CD247: variants seen among roughly 807,000 people sequenced by gnomAD.
The protein encoded by CD247 is CD247 molecule, also known as T-cell surface glycoprotein CD3 zeta chain.
A neutral mutation model predicts 30.0 loss-of-function variants in CD247; 13 were observed. The observed-to-expected ratio is 0.43, with a 90% CI of 0.28 to 0.69. CD247 has a LOEUF of 0.69. CD247 is among the 30% of genes least tolerant of loss of function. The probability of loss-of-function intolerance (pLI) is 0.16; values close to 1 mark genes in which losing one functional copy is unlikely to be tolerated. For missense variants in CD247, 193 were observed against 212.6 expected (o/e 0.91, Z 0.57); for synonymous variants, 72 against 80.0 (o/e 0.90, Z 0.53).
chr1:167,505,022 T>C (rs530174326), intron 1 of CD247, among the ~76,000 whole-genome samples: 43 of 152,390 alleles, frequency 2.8e-4, no homozygotes, highest in African/African-American at 9.1e-4. Context: ...AGCTTTTCTT[T>C]AAATATTCTA....
Position 167,438,576 on chromosome 1 carries a change from T to C in CD247, c.294A>G (p.Gly98=), listed in dbSNP as rs1453205554. ...KRRGRDPEMG[G]KPQRRKNPQE... is the part of the protein sequence containing the mutation. ...AAGGTAGAGGAACCCCTACCGGCTTTCCCCCCATCTCAGGGTCCCGGCCAC... is the reference window on the plus strand; with the variant it reads ...AAGGTAGAGGAACCCCTACCGGCTTCCCCCCCATCTCAGGGTCCCGGCCAC... The change falls in exon 4 of 8, where the codon GGA becomes GGG. Residue 98 remains glycine (G), a synonymous_variant. Coordinates refer to ENST00000362089, the MANE Select transcript of CD247 (RefSeq NM_198053.3). The C allele has an allele frequency of 6.2e-7, 1 of 1,613,264 alleles. No homozygotes were observed. Among genetic ancestry groups the C allele is most frequent in the African/African-American group, 1.3e-5 (1 of 74,918 alleles).
Position 167,509,296 on chromosome 1 carries a change from G to A in CD247, c.58+9112C>T, listed in dbSNP as rs185334827. Among the ~76,000 whole-genome samples, 14 of 151,484 alleles carry A rather than the reference G, an allele frequency of 9.2e-5. No individual in the cohort carries two copies. The East Asian group carries it at 2.7e-3, about 29-fold the overall frequency. On this transcript the variant is annotated intron_variant, in intron 1 of 7. Transcript: ENST00000362089. ...CAGGAGAATCACTTGAACCCAGGAT[G>A]GGGGTTGTGGTGAGCCGAGATCGCG... is the stretch of plus-strand genomic sequence containing the variant.
intron 1 of CD247, among the ~76,000 whole-genome samples, chr1:167,517,986 C>G (rs1655688975): frequency 6.6e-6 from 1 of 152,158 alleles, no homozygotes; most frequent in South Asian, 2.1e-4. Context: ...AGTGACGGAG[C>G]CAGCCAGAGG....
chr1:167,491,257 G>T (rs1571580197), intron 1 of CD247, among the ~76,000 whole-genome samples: 1 of 152,068 alleles, frequency 6.6e-6, no homozygotes, highest in Admixed American at 6.6e-5. Context: ...CGGTTTGGTG[G>T]TTCCTCAGAA....
intron 1 of CD247, among the ~76,000 whole-genome samples, chr1:167,506,515 T>C (rs971716560): frequency 1.3e-5 from 2 of 151,974 alleles, no homozygotes; most frequent in Non-Finnish European, 2.9e-5. Flanking sequence ...GCCCAGCGAA[T>C]ATTTTCTCTC....
intron 4 of CD247, among the ~76,000 whole-genome samples, chr1:167,438,351 G>T (rs1028950137): frequency 2.0e-4 from 31 of 152,326 alleles, no homozygotes; most frequent in African/African-American, 7.2e-4. Flanking sequence ...GCAGTGGGGT[G>T]CCACGTCCGG....
intron 5 of CD247, chr1:167,434,858 T>A: frequency 2.2e-6 from 1 of 462,328 alleles, no homozygotes; most frequent in Admixed American, 2.3e-5. Flanking sequence ...GAAGGGAAGG[T>A]CTGGACAGAC....
chr1:167,443,974 G>A (rs1432943362), intron 1 of CD247, among the ~76,000 whole-genome samples: 1 of 152,268 alleles, frequency 6.6e-6, no homozygotes, highest in Admixed American at 6.5e-5. Flanking sequence ...ATATTCATTG[G>A]GCATCTGCTC....
At chr1:167,479,602 G>A (rs929426371) in intron 1 of CD247, among the ~76,000 whole-genome samples, 1 of 152,002 alleles carries the variant, frequency 6.6e-6, no homozygotes, top group Admixed American at 6.6e-5. Context: ...AGACCTCCCC[G>A]CTCCCCATCA....
chr1:167,468,648 G>C (rs919996030), intron 1 of CD247, among the ~76,000 whole-genome samples: 5 of 152,162 alleles, frequency 3.3e-5, no homozygotes, highest in African/African-American at 1.2e-4. Context: ...CTCATCTCAG[G>C]CACTCACCAG....
intron 1 of CD247, among the ~76,000 whole-genome samples, chr1:167,456,047 CG>C (rs1652646162): frequency 6.8e-6 from 1 of 146,594 alleles, no homozygotes; most frequent in Non-Finnish European, 1.5e-5. Flanking sequence ...AGGGAGGAAG[CG>C]CCAGGGGTCT....
At chr1:167,465,330 T>TTTC (rs1653195740) in intron 1 of CD247, among the ~76,000 whole-genome samples, 3 of 143,550 alleles carry the variant, frequency 2.1e-5, no homozygotes, top group Non-Finnish European at 4.6e-5. Context: ...TCTTTTTCTT[T>TTTC]TTTTTTTTTT....
intron 1 of CD247, among the ~76,000 whole-genome samples, chr1:167,453,276 CAG>C (rs1652458901): frequency 1.3e-5 from 2 of 151,818 alleles, no homozygotes; most frequent in Non-Finnish European, 2.9e-5. Flanking sequence ...CTCCACTTTG[CAG>C]ATAAAGAGAC....
chr1:167,453,981 C>CA (rs1325273244), intron 1 of CD247, among the ~76,000 whole-genome samples: 2 of 151,608 alleles, frequency 1.3e-5, no homozygotes, highest in Admixed American at 1.3e-4. Flanking sequence ...AAAACAAAAA[C>CA]AAAAAAAGCT....
chr1:167,439,359 C>G lies in CD247; in HGVS notation c.204G>C (p.Gln68His). The part of the protein sequence containing the change: ...SADAPAYQQG[Q>H]NQLYNELNLG... ...GCTGACTTACGTTATAGAGCTGGTT[C>G]TGGCCCTGCTGGTACGCGGGGGCGT... Residue 68 changes from glutamine (Q) to histidine (H), a missense_variant, in exon 3 of 8, where the codon CAG becomes CAC. By Grantham distance (24) the Gln-to-His change is conservative (BLOSUM62 0). Coordinates refer to ENST00000362089, the MANE Select transcript of CD247 (RefSeq NM_198053.3). 6.2e-7 allele frequency: 1 copy of G among 1,614,162 alleles called. No homozygotes were observed. Among genetic ancestry groups the G allele is most frequent in the Non-Finnish European group, 8.5e-7 (1 of 1,179,972 alleles).
intron 1 of CD247, among the ~76,000 whole-genome samples, chr1:167,470,964 T>C (rs1259427863): frequency 2.7e-5 from 4 of 150,700 alleles, no homozygotes; most frequent in Non-Finnish European, 4.4e-5. Context: ...CTCCACCTCC[T>C]GGGTTCAAGC....
Position 167,493,757 on chromosome 1 carries a change from C to T in CD247, c.58+24651G>A, listed in dbSNP as rs373331730. On this transcript the variant is annotated intron_variant, in intron 1 of 7. Coordinates refer to ENST00000362089, the MANE Select transcript of CD247 (RefSeq NM_198053.3). The stretch of plus-strand genomic sequence containing the variant: ...GAGGCATCAAGTGACGTGTCCGAGG[C>T]CCCACAGCTAGTTAGGGGCAGTGCT... Among the ~76,000 whole-genome samples the T allele has an allele frequency of 1.5e-3, 235 of 152,266 alleles. 8 individuals are homozygous for T. The South Asian group carries it at 0.048, about 31-fold the overall frequency.
intron 7 of CD247, among the ~76,000 whole-genome samples, chr1:167,432,272 G>T (rs376598667): frequency 2.6e-4 from 40 of 152,294 alleles, no homozygotes; most frequent in African/African-American, 9.4e-4. Context: ...GTCACGAACA[G>T]GCCCACAAGG....
intron 1 of CD247, among the ~76,000 whole-genome samples, chr1:167,491,618 T>C (rs1286791527): frequency 1.3e-5 from 2 of 151,868 alleles, no homozygotes; most frequent in Non-Finnish European, 2.9e-5. Context: ...CTACTTCTGG[T>C]TCTATACCCA....
Sources: gnomAD v4.1 joint callset for allele counts (sites outside exome capture counted in the v4.1 genomes callset) on GRCh38, gnomAD v4.1.1 for gene constraint, MANE v1.5 for transcripts, NCBI Gene and HGNC (gene_info 2026-07-23, HGNC 2026-07-21) for gene names.